Variants in TTC3 observed in about 807,000 individuals in gnomAD.
The protein encoded by TTC3 is tetratricopeptide repeat domain 3, also known as E3 ubiquitin-protein ligase TTC3.
In TTC3, 180 loss-of-function variants were observed where a neutral mutation model predicts 249.6. That is an observed-to-expected ratio of 0.72 (90% confidence interval 0.64 to 0.82). The LOEUF (loss-of-function observed/expected upper bound fraction) is 0.82. TTC3 is among the 40% of genes least tolerant of loss of function. The pLI is 0.00. For synonymous variants in TTC3, 717 were observed against 805.0 expected (o/e 0.89, Z 1.85); for missense variants, 2,061 against 2,398.4 (o/e 0.86, Z 2.94).
At chr21:37,105,382 A>T (rs892080629) in intron 10 of TTC3, among the ~76,000 whole-genome samples, 1 of 152,194 alleles carries the variant, frequency 6.6e-6, no homozygotes, top group East Asian at 1.9e-4. Flanking sequence ...TGGCTCAACA[A>T]TGTCATCAGA....
intron 11 of TTC3, among the ~76,000 whole-genome samples, chr21:37,117,468 A>G (rs577429868): frequency 1.3e-5 from 2 of 152,332 alleles, no homozygotes; most frequent in East Asian, 3.9e-4. Flanking sequence ...GACAGGTGCT[A>G]TATCAATATT....
Position 37,108,377 on chromosome 21 carries a change from T to C in TTC3, c.846-15T>C. 2 of 1,603,858 alleles carry C rather than the reference T, an allele frequency of 1.2e-6. No individual in the cohort carries two copies. The highest frequency in any genetic ancestry group is 4.5e-5 in the East Asian group (2 of 44,810). On this transcript the variant is annotated splice_polypyrimidine_tract_variant and intron_variant, in intron 10 of 45. Coordinates refer to ENST00000355666, the Ensembl canonical transcript of TTC3. Reference sequence around the variant, plus strand: ...AAAAGAGTGAAAATTTTTAAATACTTGTTTTTCCTTTTAGAAATGCACTCG... The same window carrying C: ...AAAAGAGTGAAAATTTTTAAATACTCGTTTTTCCTTTTAGAAATGCACTCG...
At chr21:37,201,257 C>T (rs1049402442) in intron 45 of TTC3, among the ~76,000 whole-genome samples, 183 bp from the exon 46 acceptor site, 10 of 152,186 alleles carry the variant, frequency 6.6e-5, no homozygotes, top group African/African-American at 2.2e-4. Flanking sequence ...GGATCGTTTG[C>T]GGCTGGGGCT....
intron 16 of TTC3, among the ~76,000 whole-genome samples, chr21:37,129,638 T>G (rs2077311347): frequency 6.6e-6 from 1 of 152,152 alleles, no homozygotes; most frequent in Non-Finnish European, 1.5e-5. Context: ...TATCTTTTTT[T>G]TTGTTTTTTT....
intron 11 of TTC3, 110 bp from the exon 12 acceptor site, chr21:37,121,707 C>T (rs1329441397): frequency 5.8e-6 from 6 of 1,033,568 alleles, no homozygotes; most frequent in Non-Finnish European, 8.1e-6. Flanking sequence ...GGGACCTAAT[C>T]TAATATTTTA....
intron 8 of TTC3, among the ~76,000 whole-genome samples, chr21:37,095,092 C>T (rs2073771784): frequency 6.6e-6 from 1 of 151,222 alleles, no homozygotes. Flanking sequence ...GCTGTGATTG[C>T]ACCACTGCCC....
At chr21:37,142,892 A>G (rs879384895) in intron 20 of TTC3, among the ~76,000 whole-genome samples, 2 of 152,222 alleles carry the variant, frequency 1.3e-5, no homozygotes, top group African/African-American at 2.4e-5. Context: ...TGGTACCAAA[A>G]CAGAGATATA....
rs1488651201 is a variant in TTC3 at position 37,150,075 on chromosome 21, T to C, written c.2119-3T>C. The C allele has an allele frequency of 1.9e-6, 3 of 1,580,864 alleles. 1 individual carries two copies. The highest frequency in any genetic ancestry group is 3.5e-5 in the Admixed American group (2 of 56,936). On this transcript the variant is annotated splice_region_variant and splice_polypyrimidine_tract_variant and intron_variant, in intron 23 of 45. Coordinates refer to ENST00000355666, the Ensembl canonical transcript of TTC3. ...CTTGTTTTTTTTTTTTTTAATCAAA[T>C]AGGATTTTCTACAAGGAATATGTCT...
chr21:37,187,054 C>T lies in TTC3; in HGVS notation c.4832C>T (p.Thr1611Ile), dbSNP rs138419576. 2.6e-5 allele frequency: 40 copies of T among 1,526,632 alleles called. No individual in the cohort carries two copies. The highest frequency in any genetic ancestry group is 3.2e-5 in the Non-Finnish European group (37 of 1,142,736). 94.6% of individuals were successfully genotyped at this position (1,526,632 alleles called of 1,614,324 possible). ...TTTTCCTTCAATATTTGTAGCAACA[C>T]ACTTACAAATGAGAAAATGAAAATA... The change falls in exon 38 of 46, where the codon ACA (threonine) becomes ATA (isoleucine). Residue 1611 changes from threonine to isoleucine, a missense_variant. Coordinates refer to ENST00000355666, the Ensembl canonical transcript of TTC3.
intron 27 of TTC3, 41 bp from the exon 28 acceptor site, chr21:37,156,614 A>G (rs1246641083): frequency 5.1e-6 from 8 of 1,569,424 alleles, no homozygotes; most frequent in South Asian, 1.2e-5. Flanking sequence ...ACAGTAAATA[A>G]TTTCCCTCCT....
rs375779257 is a variant in TTC3 at position 37,088,155 on chromosome 21, T to C, written c.188-41T>C. On this transcript the variant is annotated intron_variant, in intron 3 of 45. Coordinates refer to ENST00000355666, the Ensembl canonical transcript of TTC3. ...ATTAAGTGTTGATTCATTAAAAAAA[T>C]GAGGCACAAACATTAATTTTAAACT... 996 of 1,474,638 alleles carry C rather than the reference T, an allele frequency of 6.8e-4. 2 individuals are homozygous for C. The Middle Eastern group carries it at 7.4e-3, about 11-fold the overall frequency. 91.3% of individuals were successfully genotyped at this position (1,474,638 alleles called of 1,614,324 possible).
At chr21:37,184,033 T>G (rs1430201319) in intron 36 of TTC3, among the ~76,000 whole-genome samples, 1 of 152,192 alleles carries the variant, frequency 6.6e-6, no homozygotes, top group Non-Finnish European at 1.5e-5. Flanking sequence ...AGCATTACAT[T>G]TAGGCAGTCC....
At position 37,200,262 on chromosome 21, in the gene TTC3, C is replaced by T. The variant is rs1313319000; in HGVS notation, c.5881C>T (p.His1961Tyr). 6.2e-7 allele frequency: 1 copy of T among 1,613,990 alleles called. No individual in the cohort carries two copies. Among genetic ancestry groups the T allele is most frequent in the African/African-American group, 1.3e-5 (1 of 74,896 alleles). ...GGGTGCAAGTTCCTGTGAAATATGC[C>T]ACGAGGTGTTCAAATCAAAAAACGT... The change falls in exon 45 of 46, where the codon CAC becomes TAC. Residue 1961 changes from histidine to tyrosine, a missense_variant. Transcript: ENST00000355666.
intron 11 of TTC3, 26 bp downstream of exon 11, chr21:37,108,472 G>T: frequency 6.3e-7 from 1 of 1,598,596 alleles, no homozygotes; most frequent in South Asian, 1.1e-5. Context: ...ATTTTATATT[G>T]AGCAAATAAT....
chr21:37,096,259 C>T (rs913485553), intron 9 of TTC3, among the ~76,000 whole-genome samples: 1 of 152,144 alleles, frequency 6.6e-6, no homozygotes, highest in East Asian at 1.9e-4. Flanking sequence ...ATAAGTAATC[C>T]TATCCTCTAG....
intron 35 of TTC3, among the ~76,000 whole-genome samples, chr21:37,180,998 A>G (rs1045819399): frequency 2.0e-5 from 3 of 152,224 alleles, no homozygotes; most frequent in Non-Finnish European, 2.9e-5. Context: ...GTAATATAGC[A>G]GATACAGTTG....
chr21:37,104,465 T>C lies in TTC3; in HGVS notation c.846-3927T>C, dbSNP rs573549830. ...ATTAGCTGGGCGTGGTGGTAGGTGC[T>C]TCTAATCTCAGTTACTCGGGAGGCT... is the stretch of plus-strand genomic sequence containing the variant. On this transcript the variant is annotated intron_variant, in intron 10 of 45. Transcript: ENST00000355666. Among the ~76,000 whole-genome samples, 224 of 152,008 alleles carry C rather than the reference T, an allele frequency of 1.5e-3. 2 individuals carry two copies. Among genetic ancestry groups the C allele is most frequent in the African/African-American group, 4.9e-3 (205 of 41,480 alleles).
At chr21:37,096,943 AG>A (rs1486113785) in intron 10 of TTC3, 1 of 236,200 alleles carries the variant, frequency 4.2e-6, no homozygotes, top group East Asian at 8.6e-5. Context: ...ACATGACCAA[AG>A]TGTACCACTA....
At chr21:37,099,583 T>A (rs1037644003) in intron 10 of TTC3, among the ~76,000 whole-genome samples, 1 of 152,242 alleles carries the variant, frequency 6.6e-6, no homozygotes. Flanking sequence ...TTCCAGGACA[T>A]GTAGATTAAA....
Sources: allele counts gnomAD v4.1 joint callset (sites outside exome capture counted in the v4.1 genomes callset), GRCh38; gene constraint gnomAD v4.1.1; transcripts MANE v1.5; gene names NCBI Gene and HGNC (gene_info 2026-07-23, HGNC 2026-07-21).